IL1RAPL2: variants seen among roughly 807,000 people sequenced by gnomAD.
The protein encoded by IL1RAPL2 is X-linked interleukin-1 receptor accessory protein-like 2.
A neutral mutation model predicts 44.1 loss-of-function variants in IL1RAPL2; 3 were observed. The ratio of observed to expected loss-of-function variants is 0.07; its 90% CI spans 0.03 to 0.18. IL1RAPL2 has a LOEUF of 0.18. Ranked by LOEUF, IL1RAPL2 falls within the 10% of genes least tolerant of loss-of-function variation. IL1RAPL2 has a pLI of 1.00. For missense variants in IL1RAPL2, 391 were observed against 496.4 expected (o/e 0.79, Z 2.02); for synonymous variants, 181 against 178.8 (o/e 1.01, Z -0.10).
At chrX:104,893,606 C>T (rs1923538152) in intron 2 of IL1RAPL2, among the ~76,000 whole-genome samples, 1 of 111,392 alleles carries the variant, frequency 9.0e-6, no homozygotes, top group African/African-American at 3.3e-5. Flanking sequence ...ACTAGGATTG[C>T]AACCCCTGCC....
At chrX:104,765,931 A>G (rs1360077412) in intron 2 of IL1RAPL2, among the ~76,000 whole-genome samples, 1 of 112,382 alleles carries the variant, frequency 8.9e-6, no homozygotes, top group Non-Finnish European at 1.9e-5. Flanking sequence ...TATCATCTTG[A>G]TGAATTATTT....
chrX:104,800,365 T>C (rs1349505941), intron 2 of IL1RAPL2, among the ~76,000 whole-genome samples: 1 of 107,528 alleles, frequency 9.3e-6, no homozygotes, highest in African/African-American at 3.4e-5. Flanking sequence ...GCCAGGTATT[T>C]AAAAAAAAAA....
chrX:104,880,838 C>A (rs920753892), intron 2 of IL1RAPL2, among the ~76,000 whole-genome samples: 3 of 111,835 alleles, frequency 2.7e-5, no homozygotes, highest in African/African-American at 9.7e-5. Context: ...ATAGAATAAG[C>A]AATCCTTCAA....
intron 2 of IL1RAPL2, among the ~76,000 whole-genome samples, chrX:105,115,557 C>T (rs1379892980): frequency 8.9e-6 from 1 of 112,212 alleles, no homozygotes; most frequent in Non-Finnish European, 1.9e-5. Flanking sequence ...GAGCTAGACA[C>T]AGAGTGCTGA....
chrX:104,656,155 T>A (rs1930254488), intron 1 of IL1RAPL2, among the ~76,000 whole-genome samples: 1 of 111,436 alleles, frequency 9.0e-6, no homozygotes, highest in African/African-American at 3.3e-5. Flanking sequence ...ATTGAAGGGT[T>A]TTTCCTGTCT....
At chrX:104,737,748 A>C (rs1478002464) in intron 2 of IL1RAPL2, among the ~76,000 whole-genome samples, 1 of 111,742 alleles carries the variant, frequency 8.9e-6, no homozygotes, top group African/African-American at 3.3e-5. Context: ...ATTCATAGAC[A>C]CCAAGCAGAG....
intron 2 of IL1RAPL2, among the ~76,000 whole-genome samples, chrX:104,954,501 CTCTTT>C (rs1462357669): frequency 5.4e-5 from 6 of 111,985 alleles, no homozygotes; most frequent in African/African-American, 1.6e-4. Flanking sequence ...AGAGATTTCC[CTCTTT>C]TCTTTTATTT....
At chrX:104,792,665 A>G (rs1430510146) in intron 2 of IL1RAPL2, among the ~76,000 whole-genome samples, 1 of 111,612 alleles carries the variant, frequency 9.0e-6, no homozygotes, top group Non-Finnish European at 1.9e-5. Flanking sequence ...AGCCATATAA[A>G]CAAAGGGTGG....
At chrX:105,462,056 C>T (rs2036096783) in intron 5 of IL1RAPL2, among the ~76,000 whole-genome samples, 3 of 111,047 alleles carry the variant, frequency 2.7e-5, no homozygotes, top group Admixed American at 1.9e-4. Context: ...TCCTTCCTCC[C>T]TGCTATCCCC....
intron 6 of IL1RAPL2, among the ~76,000 whole-genome samples, chrX:105,692,776 G>A (rs1007393509): frequency 7.2e-5 from 8 of 110,879 alleles, no homozygotes; most frequent in African/African-American, 9.8e-5. Flanking sequence ...GGGGGCTATC[G>A]TAGGGTATTA....
intron 2 of IL1RAPL2, among the ~76,000 whole-genome samples, chrX:105,108,494 A>ATTTTTTTTTTTTTTT (rs71816209): frequency 2.7e-5 from 2 of 73,639 alleles, no homozygotes; most frequent in African/African-American, 5.4e-5. Context: ...CCATGCCCGG[A>ATTTTTTTTTTTTTTT]TTTTTTTTTT....
At chrX:104,582,576 CTTTTTCTTTCTTTCTTTCTTT>C (rs1207042959) in intron 1 of IL1RAPL2, among the ~76,000 whole-genome samples, 9 of 54,505 alleles carry the variant, frequency 1.7e-4, no homozygotes, top group South Asian at 1.2e-3. Context: ...CTCTTTCTTT[CTTTTTCTTTCTTTCTTTCTTT>C]TTCTTTCTTT....
intron 3 of IL1RAPL2, among the ~76,000 whole-genome samples, chrX:105,199,391 C>T (rs1259562742): frequency 6.6e-5 from 7 of 105,481 alleles, no homozygotes; most frequent in African/African-American, 2.4e-4. Context: ...TGCCCCAGTT[C>T]TAGAATTAGC....
intron 4 of IL1RAPL2, among the ~76,000 whole-genome samples, chrX:105,263,176 C>T (rs543636467): frequency 3.6e-5 from 4 of 110,824 alleles, no homozygotes; most frequent in Admixed American, 9.7e-5. Flanking sequence ...TGAGTCACTG[C>T]GCCTGGCCCC....
intron 2 of IL1RAPL2, among the ~76,000 whole-genome samples, chrX:105,144,160 G>C (rs910361688): frequency 9.8e-6 from 1 of 101,967 alleles, no homozygotes; most frequent in African/African-American, 3.7e-5. Flanking sequence ...TAAATTCATT[G>C]TCTTTCCTCT....
chrX:105,558,216 T>C (rs2036909572), intron 6 of IL1RAPL2, among the ~76,000 whole-genome samples: 1 of 111,510 alleles, frequency 9.0e-6, no homozygotes, highest in African/African-American at 3.3e-5. Flanking sequence ...TTTTTGTGTC[T>C]CAAAATCTTT....
intron 10 of IL1RAPL2, among the ~76,000 whole-genome samples, chrX:105,757,353 T>G (rs1569472266): frequency 8.9e-6 from 1 of 112,204 alleles, no homozygotes; most frequent in East Asian, 2.8e-4. Flanking sequence ...TTTGTACTCC[T>G]GTGACATTTT....
intron 2 of IL1RAPL2, among the ~76,000 whole-genome samples, chrX:104,750,637 T>C (rs1287865023): frequency 9.0e-6 from 1 of 110,924 alleles, no homozygotes; most frequent in Non-Finnish European, 1.9e-5. Context: ...AGAGCCTGAC[T>C]TGGGCGTGCA....
chrX:105,089,961 C>T (rs1026521001), intron 2 of IL1RAPL2, among the ~76,000 whole-genome samples: 2 of 111,493 alleles, frequency 1.8e-5, no homozygotes, highest in African/African-American at 6.5e-5. Context: ...CCTCCTAAAC[C>T]ATTTGTAGTT....
Sources: gnomAD v4.1 joint callset for allele counts (sites outside exome capture counted in the v4.1 genomes callset) on GRCh38, gnomAD v4.1.1 for gene constraint, MANE v1.5 for transcripts, NCBI Gene and HGNC (gene_info 2026-07-23, HGNC 2026-07-21) for gene names.